C2orf49: variants seen among roughly 807,000 people sequenced by gnomAD.
C2orf49 encodes the protein tRNA-splicing ligase complex subunit ASW.
In C2orf49, 11 loss-of-function variants were observed where a neutral mutation model predicts 20.6. The observed-to-expected ratio is 0.53, with a 90% confidence interval of 0.34 to 0.88. C2orf49 has a LOEUF of 0.88. C2orf49 is among the 40% of genes least tolerant of loss of function. The probability of loss-of-function intolerance (pLI) is 0.02; values close to 1 mark genes in which losing one functional copy is unlikely to be tolerated. For synonymous variants in C2orf49, 134 were observed against 108.5 expected (o/e 1.24, Z -1.46); for missense variants, 289 against 274.2 (o/e 1.05, Z -0.38).
chr2:105,363,282 C>T, the C2orf49 span: 1 of 1,613,732 alleles, frequency 6.2e-7, no homozygotes, highest in Non-Finnish European at 8.5e-7. Context: ...CCGGGACACT[C>T]ACCGCTGATG....
chr2:105,353,676 C>T (rs568783462), downstream of C2orf49, among the ~76,000 whole-genome samples: 1 of 152,276 alleles, frequency 6.6e-6, no homozygotes, highest in Admixed American at 6.5e-5. Context: ...ATGGATTTCA[C>T]TCTTATCCTT....
chr2:105,344,935 A>T (rs959026363), intron 3 of C2orf49, among the ~76,000 whole-genome samples: 1 of 152,162 alleles, frequency 6.6e-6, no homozygotes, highest in East Asian at 1.9e-4. Context: ...TAGGCTGGAC[A>T]GGGAGAAAGC....
At chr2:105,384,098 G>C in the C2orf49 span, among the ~76,000 whole-genome samples, 1 of 152,016 alleles carries the variant, frequency 6.6e-6, no homozygotes, top group African/African-American at 2.4e-5. Context: ...TTTTTGTTTT[G>C]TTTTTATTTC....
intron 2 of C2orf49, among the ~76,000 whole-genome samples, chr2:105,340,028 G>A (rs529304672): frequency 4.1e-4 from 62 of 152,310 alleles, no homozygotes; most frequent in African/African-American, 1.4e-3. Flanking sequence ...TATCCAGGAA[G>A]ATCTTAGTGA....
chr2:105,367,609 A>C, the C2orf49 span: 5 of 1,614,152 alleles, frequency 3.1e-6, no homozygotes, highest in Non-Finnish European at 3.4e-6. Flanking sequence ...GTTGTTTCTC[A>C]TAGCAGGGCA....
chr2:105,378,190 CAGTTA>C, the C2orf49 span: 1 of 470,854 alleles, frequency 2.1e-6, no homozygotes, highest in Non-Finnish European at 4.4e-6. Flanking sequence ...ATTTTTCCTA[CAGTTA>C]ATATTTATGG....
chr2:105,351,324 C>G (rs1330749642), downstream of C2orf49, among the ~76,000 whole-genome samples: 5 of 132,696 alleles, frequency 3.8e-5, no homozygotes, highest in Admixed American at 2.3e-4. Flanking sequence ...CCCCCCCCCC[C>G]CCAAAAAAAA....
the C2orf49 span, among the ~76,000 whole-genome samples, chr2:105,366,615 T>C: frequency 1.3e-5 from 2 of 152,210 alleles, no homozygotes; most frequent in Non-Finnish European, 2.9e-5. Context: ...AGCTACACCC[T>C]GAAGGGTGCA....
chr2:105,345,245 T>A (rs1162102886), intron 3 of C2orf49, 70 bp from the exon 4 acceptor site: 1 of 1,391,398 alleles, frequency 7.2e-7, no homozygotes, highest in Non-Finnish European at 1.0e-6. Context: ...CTTGGTTGTT[T>A]GAAATGTTCA....
At chr2:105,350,928 C>G (rs1217814342), downstream of C2orf49, among the ~76,000 whole-genome samples, 1 of 151,964 alleles carries the variant, frequency 6.6e-6, no homozygotes, top group Non-Finnish European at 1.5e-5. Context: ...TCCCTAATAC[C>G]CTTTTACTGT....
chr2:105,377,553 C>T, the C2orf49 span, among the ~76,000 whole-genome samples: 3 of 152,012 alleles, frequency 2.0e-5, no homozygotes, highest in Non-Finnish European at 2.9e-5. Flanking sequence ...ATCTTGAACC[C>T]GGGAGGTGGA....
At chr2:105,361,135 G>A in the C2orf49 span, 12 of 784,408 alleles carry the variant, frequency 1.5e-5, no homozygotes, top group Admixed American at 8.1e-5. Flanking sequence ...GCACTAAAGG[G>A]TTTAAGCAAA....
At position 105,346,702 on chromosome 2, in the gene C2orf49, G is replaced by A. The variant is rs956239781; in HGVS notation, c.*1331G>A. ...GTCACTGCAGAGTGCAACATAGGAAGATGGACTCCTAGCTTACATGAGATT... is the reference window on the plus strand; with the variant it reads ...GTCACTGCAGAGTGCAACATAGGAAAATGGACTCCTAGCTTACATGAGATT... On this transcript the variant is annotated 3_prime_UTR_variant, in exon 4 of 4. Transcript: ENST00000258457. 33 of 152,200 alleles carry A rather than the reference G, an allele frequency of 2.2e-4. No homozygotes were observed. The highest frequency in any genetic ancestry group is 8.0e-4 in the African/African-American group (33 of 41,440). The allele number at this position is 152,200 out of a possible 1,614,324, so 9.4% of individuals were successfully genotyped here.
In C2orf49 at chr2:105,337,626, G is replaced by A. The variant is rs1349779524; in HGVS notation, c.39G>A (p.Ser13=). ...TGGGCGGTCGCAGCTGCACGGACTC[G>A]GAACTGCTGCTGCACCCGGAGCTGC... ...GDVGGRSCTD[S]ELLLHPELLS... is the part of the protein sequence containing the mutation. Residue 13 remains serine, a synonymous_variant, in exon 1 of 4, where the codon TCG becomes TCA. Transcript: ENST00000258457. The A allele has an allele frequency of 3.1e-6, 5 of 1,611,484 alleles. No homozygotes were observed. The highest frequency in any genetic ancestry group is 4.2e-6 in the Non-Finnish European group (5 of 1,179,424).
the C2orf49 span, among the ~76,000 whole-genome samples, chr2:105,365,570 G>A: frequency 6.6e-6 from 1 of 151,800 alleles, no homozygotes; most frequent in African/African-American, 2.4e-5. Context: ...CAGGGAAGAG[G>A]GTTCCTAAAA....
downstream of C2orf49, among the ~76,000 whole-genome samples, chr2:105,352,438 T>TTG (rs1320328346): frequency 8.0e-6 from 1 of 124,234 alleles, no homozygotes; most frequent in Non-Finnish European, 1.8e-5. Context: ...GGTTTTTTTT[T>TTG]TTTTTTTTTT....
At chr2:105,378,341 G>A in the C2orf49 span, 19 of 377,708 alleles carry the variant, frequency 5.0e-5, no homozygotes, top group East Asian at 1.5e-4. Flanking sequence ...TTCTGCAGGC[G>A]CAGCCTGTCC....
At chr2:105,364,391 T>C in the C2orf49 span, among the ~76,000 whole-genome samples, 42 of 152,350 alleles carry the variant, frequency 2.8e-4, no homozygotes, top group South Asian at 8.1e-3. Context: ...TAGCACCTGC[T>C]GATGCCACAA....
At chr2:105,366,601 A>G in the C2orf49 span, among the ~76,000 whole-genome samples, 4 of 152,162 alleles carry the variant, frequency 2.6e-5, no homozygotes, top group African/African-American at 9.7e-5. Context: ...ACAGCAGAAA[A>G]CTAAGCTACA....
Sources: allele counts gnomAD v4.1 joint callset (sites outside exome capture counted in the v4.1 genomes callset), GRCh38; gene constraint gnomAD v4.1.1; transcripts MANE v1.5; gene names NCBI Gene and HGNC (gene_info 2026-07-23, HGNC 2026-07-21).